OPN5: variants seen among roughly 807,000 people sequenced by gnomAD.
OPN5 encodes the protein opsin 5.
Under a neutral mutation model 41.7 loss-of-function variants are expected in OPN5, and 18 were observed. That is an observed-to-expected ratio of 0.43 (90% CI 0.30 to 0.64). The LOEUF (loss-of-function observed/expected upper bound fraction) is 0.64, where lower values mean the gene tolerates loss of function less well. OPN5 is among the 30% of genes least tolerant of loss of function. OPN5 has a pLI of 0.13. For synonymous variants in OPN5, 178 were observed against 164.3 expected, an observed-to-expected ratio of 1.08 and a Z score of -0.64; for missense variants, 318 against 434.5, an observed-to-expected ratio of 0.73 and a Z score of 2.38.
chr6:47,805,004 CTG>C (rs1454118519), intron 4 of OPN5, among the ~76,000 whole-genome samples: 1 of 152,216 alleles, frequency 6.6e-6, no homozygotes, highest in Non-Finnish European at 1.5e-5. Context: ...TTTTGGGATA[CTG>C]TGAACTCATC....
chr6:47,808,252 A>G, exon 5 of OPN5: 2 of 1,613,974 alleles, frequency 1.2e-6, no homozygotes, highest in Non-Finnish European at 8.5e-7. Flanking sequence ...CCATTCCCAT[A>G]CAGCTCTCTG....
intron 2 of OPN5, among the ~76,000 whole-genome samples, chr6:47,789,148 A>C (rs1773287604): frequency 6.6e-6 from 1 of 152,060 alleles, no homozygotes; most frequent in African/African-American, 2.4e-5. Flanking sequence ...TTTAGCACCC[A>C]CCTGGCTGAC....
At chr6:47,814,950 A>G (rs937490984) in intron 6 of OPN5, among the ~76,000 whole-genome samples, 5 of 152,122 alleles carry the variant, frequency 3.3e-5, no homozygotes, top group Non-Finnish European at 7.4e-5. Context: ...ATATGGAAAC[A>G]TGAGCTAGAG....
At chr6:47,794,910 G>T in intron 3 of OPN5, 1 of 243,912 alleles carries the variant, frequency 4.1e-6, no homozygotes, top group Non-Finnish European at 8.0e-6. Flanking sequence ...CACCCTTTCC[G>T]AGATGTTTTC....
chr6:47,819,399 T>TATATATAA (rs1484297411), intron 6 of OPN5, among the ~76,000 whole-genome samples: 1 of 128,648 alleles, frequency 7.8e-6, no homozygotes, highest in African/African-American at 2.8e-5. Flanking sequence ...TATATATATA[T>TATATATAA]AAAACAGTAT....
At chr6:47,812,008 T>A (rs72866339) in intron 6 of OPN5, 12 of 242,660 alleles carry the variant, frequency 4.9e-5, no homozygotes, top group Non-Finnish European at 8.7e-5. Context: ...CAGAATTGAA[T>A]GTGAGATAGT....
At chr6:47,795,749 C>G (rs969471913) in intron 4 of OPN5, among the ~76,000 whole-genome samples, 186 bp downstream of exon 4, 1 of 147,546 alleles carries the variant, frequency 6.8e-6, no homozygotes, top group Non-Finnish European at 1.5e-5. Context: ...TCTCTGTACC[C>G]CCACTTCTCT....
At chr6:47,818,415 G>A (rs556118080) in intron 6 of OPN5, among the ~76,000 whole-genome samples, 3 of 152,288 alleles carry the variant, frequency 2.0e-5, no homozygotes, top group East Asian at 3.9e-4. Context: ...AGTTACTCAC[G>A]ACATTTCCAG....
intron 4 of OPN5, among the ~76,000 whole-genome samples, chr6:47,803,821 C>G (rs754303765): frequency 1.3e-5 from 2 of 152,200 alleles, no homozygotes; most frequent in Non-Finnish European, 2.9e-5. Context: ...CTGCCCCACT[C>G]ACACTGCTCA....
In OPN5 at chr6:47,796,492, C is replaced by A. The variant is rs145218898; in HGVS notation, c.756+929C>A. 4.2e-3 allele frequency among the ~76,000 whole-genome samples: 643 copies of A among 152,174 alleles called. 5 individuals are homozygous for A. Among genetic ancestry groups the A allele is most frequent in the African/African-American group, 0.015 (614 of 41,516 alleles). On this transcript the variant is annotated intron_variant, in intron 4 of 6. Coordinates refer to ENST00000371211, the Ensembl canonical transcript of OPN5. ...CAATATAAATGACATACAGGTAATA[C>A]CATCAAGCTTTGTATTAAATATTAG...
Position 47,819,336 on chromosome 6 carries a change from A to AATATATATATATATATATAT in OPN5, c.1057-4630_1057-4629insTATATATATATATATATATA, listed in dbSNP as rs1363402346. On this transcript the variant is annotated intron_variant, in intron 6 of 6. Coordinates refer to ENST00000371211, the Ensembl canonical transcript of OPN5. Reference sequence around the variant, plus strand: ...TCTCTAAGTAATTCTGAAAATTAGGAATATATATATATATATAAAAAATAT... The same window carrying AATATATATATATATATATAT: ...TCTCTAAGTAATTCTGAAAATTAGGAATATATATATATATATATATATATATATATATATATAAAAAATAT... Among the ~76,000 whole-genome samples the AATATATATATATATATATAT allele has an allele frequency of 1.0e-3, 25 of 24,318 alleles. 2 individuals are homozygous for AATATATATATATATATATAT. The highest frequency in any genetic ancestry group is 3.4e-3 in the African/African-American group (24 of 7,150). 16.0% of individuals were successfully genotyped at this position (24,318 alleles called of 152,430 possible). A position where few individuals can be genotyped will look rare whatever the true frequency, so the allele number is the denominator to read the frequency against.
At chr6:47,797,204 C>G in intron 4 of OPN5, among the ~76,000 whole-genome samples, 1 of 152,096 alleles carries the variant, frequency 6.6e-6, no homozygotes, top group East Asian at 1.9e-4. Context: ...CCTGATGGCT[C>G]CAGTTGACTG....
intron 6 of OPN5, among the ~76,000 whole-genome samples, chr6:47,819,852 A>G (rs1056800615): frequency 6.6e-6 from 1 of 152,230 alleles, no homozygotes; most frequent in African/African-American, 2.4e-5. Flanking sequence ...GAATATGATT[A>G]AAGTTTGTAT....
intron 6 of OPN5, among the ~76,000 whole-genome samples, chr6:47,814,719 A>G: frequency 6.6e-6 from 1 of 152,106 alleles, no homozygotes; most frequent in Non-Finnish European, 1.5e-5. Flanking sequence ...GATTTGAGAA[A>G]ACTCTATACA....
intron 2 of OPN5, among the ~76,000 whole-genome samples, chr6:47,788,765 A>G (rs1474937955): frequency 7.0e-6 from 1 of 143,720 alleles, no homozygotes; most frequent in Non-Finnish European, 1.5e-5. Context: ...TTATATTAGG[A>G]TAACCTCTTA....
intron 4 of OPN5, among the ~76,000 whole-genome samples, chr6:47,807,264 G>A (rs984271050): frequency 1.3e-5 from 2 of 152,196 alleles, no homozygotes; most frequent in East Asian, 1.9e-4. Context: ...TATTCTAGAG[G>A]GATACAACTC....
intron 2 of OPN5, among the ~76,000 whole-genome samples, chr6:47,789,426 T>C (rs1400618384): frequency 6.6e-6 from 1 of 152,098 alleles, no homozygotes; most frequent in Non-Finnish European, 1.5e-5. Flanking sequence ...TTTGTCTGCT[T>C]TACCTGTTAG....
At chr6:47,799,631 G>T (rs764254102) in intron 4 of OPN5, among the ~76,000 whole-genome samples, 1 of 152,326 alleles carries the variant, frequency 6.6e-6, no homozygotes, top group Non-Finnish European at 1.5e-5. Context: ...CCCTTCCGGT[G>T]CATCTTGGGT....
intron 5 of OPN5, among the ~76,000 whole-genome samples, chr6:47,810,637 T>A (rs1322189579): frequency 6.6e-6 from 1 of 152,184 alleles, no homozygotes; most frequent in Non-Finnish European, 1.5e-5. Flanking sequence ...AGCTAATGTA[T>A]TGAATATGGG....
Sources: gnomAD v4.1 joint callset for allele counts (sites outside exome capture counted in the v4.1 genomes callset) on GRCh38, gnomAD v4.1.1 for gene constraint, MANE v1.5 for transcripts, NCBI Gene and HGNC (gene_info 2026-07-23, HGNC 2026-07-21) for gene names.